The following PHIP variants were observed in gnomAD, a reference collection of about 807,000 sequenced individuals.
PHIP encodes the protein PH-interacting protein.
In PHIP, 54 loss-of-function variants were observed where a neutral mutation model predicts 236.8. The ratio of observed to expected loss-of-function variants is 0.23; its 90% CI spans 0.18 to 0.29. The LOEUF is 0.29. Ranked by LOEUF, PHIP falls within the 10% of genes least tolerant of loss-of-function variation. PHIP has a pLI of 1.00. For missense variants in PHIP, 1,370 were observed against 2,190.8 expected, an observed-to-expected ratio of 0.63 and a Z score of 7.48; for synonymous variants, 756 against 718.9, an observed-to-expected ratio of 1.05 and a Z score of -0.83.
At chr6:79,068,509 C>T (rs1773734886) in intron 4 of PHIP, among the ~76,000 whole-genome samples, 1 of 152,116 alleles carries the variant, frequency 6.6e-6, no homozygotes, top group Admixed American at 6.6e-5. Context: ...TCTCAAGTCA[C>T]ACAGCCTGGG....
chr6:79,025,833 G>T (rs1771375258), intron 8 of PHIP, 110 bp downstream of exon 8: 1 of 825,754 alleles, frequency 1.2e-6, no homozygotes, highest in South Asian at 1.6e-5. Flanking sequence ...TTATAAAGGT[G>T]ATTATAAAAG....
In PHIP at chr6:79,042,998, T is replaced by C; in HGVS notation, c.445A>G (p.Thr149Ala). Residue 149 changes from threonine to alanine, a missense_variant, in exon 7 of 40, where the codon ACT (threonine) becomes GCT (alanine). By Grantham distance (58) the Thr-to-Ala change is moderately conservative. Coordinates refer to ENST00000275034, the MANE Select transcript of PHIP (RefSeq NM_017934.7). ...NYGSPPSIAD[T>A]LFSRKLNGKY... is the part of the protein sequence containing the mutation. ...CCATTCAGCTTCCTTGAAAACAGAG[T>C]ATCCGCTACCAAGAAAAAGAAGGAA... 1 of 1,604,276 alleles carries C rather than the reference T, an allele frequency of 6.2e-7. No homozygotes were observed. Among genetic ancestry groups the C allele is most frequent in the Non-Finnish European group, 8.5e-7 (1 of 1,175,900 alleles).
chr6:79,023,962 CAACAATT>C (rs1228241208), intron 9 of PHIP, among the ~76,000 whole-genome samples: 1 of 152,130 alleles, frequency 6.6e-6, no homozygotes, highest in Non-Finnish European at 1.5e-5. Context: ...AAAACAGTAG[CAACAATT>C]AACAATTAAC....
intron 9 of PHIP, among the ~76,000 whole-genome samples, chr6:79,023,257 T>C (rs1663507139): frequency 6.6e-6 from 1 of 152,090 alleles, no homozygotes; most frequent in South Asian, 2.1e-4. Context: ...GTTGTTGTTG[T>C]TGTTTGTTTG....
rs1016597428 is a variant in PHIP, at chr6:79,015,175, G to A, written c.1431C>T (p.Phe477=). Residue 477 remains phenylalanine, a synonymous_variant, in exon 15 of 40, where the codon TTC becomes TTT. Transcript: ENST00000275034. Reference sequence around the variant, plus strand: ...CAGCAGAAAAGAGAACTCTAGGATCGAACGGGTGTGGTTCAAGAACAAATA... The same window carrying A: ...CAGCAGAAAAGAGAACTCTAGGATCAAACGGGTGTGGTTCAAGAACAAATA... ...DEVFVLEPHP[F]DPRVLFSAGH... 14 of 1,610,300 alleles carry A rather than the reference G, an allele frequency of 8.7e-6. No homozygotes were observed. The Middle Eastern group carries it at 4.9e-4, about 57-fold the overall frequency.
intron 17 of PHIP, among the ~76,000 whole-genome samples, chr6:79,000,658 A>ATT (rs1769926430): frequency 6.6e-6 from 1 of 152,058 alleles, no homozygotes; most frequent in Non-Finnish European, 1.5e-5. Flanking sequence ...TCTCCGAGAG[A>ATT]CTGAAGACAT....
intron 24 of PHIP, among the ~76,000 whole-genome samples, chr6:78,975,962 C>A (rs1445744925): frequency 6.6e-6 from 1 of 150,792 alleles, no homozygotes; most frequent in East Asian, 2.0e-4. Flanking sequence ...AGGTAATTTA[C>A]AGATTCAATG....
chr6:79,004,434 A>G, intron 15 of PHIP: 1 of 983,956 alleles, frequency 1.0e-6, no homozygotes, highest in Non-Finnish European at 1.2e-6. Flanking sequence ...TCCTCCCTGC[A>G]ACCTGTCAAT....
intron 24 of PHIP, among the ~76,000 whole-genome samples, chr6:78,971,767 G>T (rs1042011523): frequency 6.6e-6 from 1 of 152,124 alleles, no homozygotes; most frequent in Non-Finnish European, 1.5e-5. Flanking sequence ...AAGGGGTGAC[G>T]GACGGCACCT....
intron 7 of PHIP, among the ~76,000 whole-genome samples, chr6:79,038,860 C>T (rs1582266781): frequency 6.6e-6 from 1 of 152,188 alleles, no homozygotes. Flanking sequence ...ACAAACTTCT[C>T]CCCTTAAATT....
At chr6:78,962,952 C>T in intron 30 of PHIP, 145 bp downstream of exon 30, 1 of 641,360 alleles carries the variant, frequency 1.6e-6, no homozygotes, top group Non-Finnish European at 2.6e-6. Flanking sequence ...GTTAAGACCA[C>T]ATTCAAAAAG....
chr6:78,945,623 G>A, intron 38 of PHIP, 126 bp from the exon 39 acceptor site: 2 of 667,436 alleles, frequency 3.0e-6, no homozygotes, highest in Non-Finnish European at 5.2e-6. Flanking sequence ...AGCTTTCTTA[G>A]GAAAGCTACT....
intron 4 of PHIP, among the ~76,000 whole-genome samples, chr6:79,075,938 T>C (rs1019413044): frequency 1.3e-5 from 2 of 152,188 alleles, no homozygotes; most frequent in African/African-American, 2.4e-5. Flanking sequence ...CTATCAAGTA[T>C]TTGTAAACCT....
chr6:78,945,927 A>G (rs1374896747), intron 38 of PHIP, 74 bp downstream of exon 38: 2 of 1,040,576 alleles, frequency 1.9e-6, no homozygotes, highest in Admixed American at 1.9e-5. Flanking sequence ...AACTCAGTAT[A>G]TTGCATTTGG....
At position 78,934,424 on chromosome 6, in the gene PHIP, T is replaced by C. The variant is rs796632273; in HGVS notation, c.*6269A>G. ...TAATGCAAAGCACAATAAAATAAAG[T>C]GTGCCTGTACTTCTTTTTATTAGTA... On this transcript the variant is annotated 3_prime_UTR_variant, in exon 40 of 40. Coordinates refer to ENST00000275034, the MANE Select transcript of PHIP (RefSeq NM_017934.7). Among the ~76,000 whole-genome samples the C allele has an allele frequency of 7.2e-5, 11 of 152,366 alleles. No individual in the cohort carries two copies. Among genetic ancestry groups the C allele is most frequent in the African/African-American group, 1.4e-4 (6 of 41,590 alleles).
intron 21 of PHIP, 45 bp from the exon 22 acceptor site, chr6:78,985,473 T>C (rs759072203): frequency 3.2e-6 from 3 of 924,718 alleles, no homozygotes; most frequent in East Asian, 4.8e-5. Context: ...TTTTATAAAA[T>C]AACATTTTAT....
Position 78,984,734 on chromosome 6 carries a change from C to G in PHIP, c.2537+618G>C, listed in dbSNP as rs908894238. ...TGATTGTACAACTGAGGAACTCTTA[C>G]AGCCTCTACTTCATACTTTGTCTCG... On this transcript the variant is annotated intron_variant, in intron 22 of 39. Coordinates refer to ENST00000275034, the MANE Select transcript of PHIP (RefSeq NM_017934.7). Among the ~76,000 whole-genome samples the G allele has an allele frequency of 1.3e-5, 2 of 152,184 alleles. 1 individual carries two copies. Among genetic ancestry groups the G allele is most frequent in the South Asian group, 4.1e-4 (2 of 4,834 alleles).
intron 17 of PHIP, among the ~76,000 whole-genome samples, chr6:78,999,397 A>T (rs965758648): frequency 6.6e-6 from 1 of 152,148 alleles, no homozygotes; most frequent in Non-Finnish European, 1.5e-5. Context: ...TGAAAGAATT[A>T]CCTGCTACCC....
intron 37 of PHIP, 192 bp downstream of exon 37, chr6:78,946,519 T>C: frequency 7.2e-7 from 1 of 1,383,060 alleles, no homozygotes; most frequent in Non-Finnish European, 9.3e-7. Flanking sequence ...GATTTAGCAG[T>C]TTGAATTTAA....
Sources: allele counts gnomAD v4.1 joint callset (sites outside exome capture counted in the v4.1 genomes callset), GRCh38; gene constraint gnomAD v4.1.1; transcripts MANE v1.5; gene names NCBI Gene and HGNC (gene_info 2026-07-23, HGNC 2026-07-21).